Variants in WWOX observed in about 807,000 individuals in gnomAD.
WWOX encodes the protein WW domain-containing oxidoreductase.
In WWOX, 69 loss-of-function variants were observed where a neutral mutation model predicts 46.2. The ratio of observed to expected loss-of-function variants is 1.49; its 90% CI spans 1.23 to 1.82. The LOEUF (loss-of-function observed/expected upper bound fraction) is 1.82, where lower values mean the gene tolerates loss of function less well. WWOX is among the 40% of genes most tolerant of loss of function. The pLI, the probability that WWOX is intolerant of heterozygous loss-of-function variation, is 0.00. For missense variants in WWOX, 919 were observed against 542.6 expected (o/e 1.69, Z -6.89); for synonymous variants, 359 against 202.6 (o/e 1.77, Z -6.56).
chr16:78,755,164 A>G (rs114311772), intron 8 of WWOX, among the ~76,000 whole-genome samples: 4,053 of 151,286 alleles, frequency 0.027, 182 homozygotes, highest in African/African-American at 0.094. Flanking sequence ...ATGTACACCT[A>G]TGTAACAAGG....
intron 7 of WWOX, among the ~76,000 whole-genome samples, chr16:78,431,996 A>C (rs578245580): frequency 2.0e-5 from 3 of 152,292 alleles, no homozygotes; most frequent in African/African-American, 7.2e-5. Context: ...GATTAGAGGC[A>C]TGAGCCACCA....
At chr16:78,882,764 C>T (rs1597102005) in intron 8 of WWOX, among the ~76,000 whole-genome samples, 1 of 151,250 alleles carries the variant, frequency 6.6e-6, no homozygotes, top group Non-Finnish European at 1.5e-5. Flanking sequence ...TCTGGGATTA[C>T]AGGCATGAGC....
chr16:78,287,664 A>T (rs934496736), intron 5 of WWOX, among the ~76,000 whole-genome samples: 1 of 152,140 alleles, frequency 6.6e-6, no homozygotes, highest in Non-Finnish European at 1.5e-5. Flanking sequence ...CAAAATAGAG[A>T]AGGAAAGGAC....
At chr16:79,208,442 T>C (rs886547372) in intron 8 of WWOX, among the ~76,000 whole-genome samples, 3 of 152,108 alleles carry the variant, frequency 2.0e-5, no homozygotes, top group Non-Finnish European at 4.4e-5. Context: ...TGTCAAGGTA[T>C]TATTATTTAT....
intron 8 of WWOX, among the ~76,000 whole-genome samples, chr16:78,472,751 G>C (rs1274437859): frequency 6.9e-6 from 1 of 144,890 alleles, no homozygotes; most frequent in Non-Finnish European, 1.5e-5. Context: ...GGAGGTTGCA[G>C]TGAGCCGAGA....
intron 6 of WWOX, among the ~76,000 whole-genome samples, chr16:78,390,970 G>A (rs1306722803): frequency 3.3e-5 from 5 of 152,186 alleles, no homozygotes; most frequent in Non-Finnish European, 1.5e-5. Context: ...CTGAGTTCCT[G>A]TGTGTATTCC....
chr16:78,356,393 A>C (rs1479610398), intron 5 of WWOX, among the ~76,000 whole-genome samples: 3 of 152,150 alleles, frequency 2.0e-5, no homozygotes, highest in South Asian at 2.1e-4. Flanking sequence ...CCTTCTTCTA[A>C]AATGCTTAAC....
chr16:78,522,673 G>T (rs1204583447), intron 8 of WWOX, among the ~76,000 whole-genome samples: 2 of 152,254 alleles, frequency 1.3e-5, no homozygotes, highest in African/African-American at 4.8e-5. Context: ...GAGCAGATGA[G>T]ATGCTCTTGC....
At chr16:78,893,168 C>G (rs1338071105) in intron 8 of WWOX, among the ~76,000 whole-genome samples, 1 of 151,488 alleles carries the variant, frequency 6.6e-6, no homozygotes, top group East Asian at 1.9e-4. Flanking sequence ...AGACACACGA[C>G]TATGAGATGG....
chr16:78,534,945 C>G (rs375915145), intron 8 of WWOX, among the ~76,000 whole-genome samples: 3 of 152,120 alleles, frequency 2.0e-5, no homozygotes, highest in East Asian at 1.9e-4. Context: ...ATGTCCTTAC[C>G]TCATGATCTG....
At chr16:78,483,230 A>G (rs1023088956) in intron 8 of WWOX, among the ~76,000 whole-genome samples, 3 of 152,194 alleles carry the variant, frequency 2.0e-5, no homozygotes, top group Non-Finnish European at 4.4e-5. Flanking sequence ...GTCATTTGAA[A>G]AATACTCTGT....
chr16:79,031,054 C>T (rs191265432), intron 8 of WWOX, among the ~76,000 whole-genome samples: 2 of 148,338 alleles, frequency 1.3e-5, no homozygotes, highest in Admixed American at 6.8e-5. Flanking sequence ...GATCGAGTCA[C>T]TGCACTCCAG....
In WWOX at chr16:78,180,466, T is replaced by A. The variant is rs549715372; in HGVS notation, c.516+16177T>A. ...GTTAGGGCTAGTGCGTAAACCCAGCTGCACCCGAGATATGGGGTATACATG... is the reference window on the plus strand; with the variant it reads ...GTTAGGGCTAGTGCGTAAACCCAGCAGCACCCGAGATATGGGGTATACATG... On this transcript the variant is annotated intron_variant, in intron 5 of 8. Transcript: ENST00000566780. Among the ~76,000 whole-genome samples, 8 of 151,936 alleles carry A rather than the reference T, an allele frequency of 5.3e-5. No homozygotes were observed. The East Asian group carries it at 1.6e-3, about 29-fold the overall frequency.
At chr16:78,445,246 A>C (rs771189607) in intron 8 of WWOX, among the ~76,000 whole-genome samples, 1 of 152,164 alleles carries the variant, frequency 6.6e-6, no homozygotes, top group Non-Finnish European at 1.5e-5. Context: ...ATCTATTTCC[A>C]CAAAGGATTT....
chr16:78,141,490 C>T (rs2033986846), intron 4 of WWOX, among the ~76,000 whole-genome samples: 3 of 147,230 alleles, frequency 2.0e-5, no homozygotes, highest in Non-Finnish European at 4.5e-5. Flanking sequence ...AACCTCTGGC[C>T]CATTCTACAA....
intron 8 of WWOX, among the ~76,000 whole-genome samples, chr16:79,024,217 CTG>C (rs1210119307): frequency 2.0e-5 from 3 of 152,196 alleles, no homozygotes; most frequent in African/African-American, 7.2e-5. Flanking sequence ...CTAAAAACCA[CTG>C]AACTGTACAC....
chr16:78,812,638 A>T (rs961860732), intron 8 of WWOX, among the ~76,000 whole-genome samples: 6 of 152,112 alleles, frequency 3.9e-5, no homozygotes, highest in African/African-American at 1.4e-4. Flanking sequence ...ACGCGCGAGA[A>T]TCACTTGAAC....
chr16:78,414,001 G>A (rs925961611), intron 6 of WWOX, among the ~76,000 whole-genome samples: 1 of 151,868 alleles, frequency 6.6e-6, no homozygotes, highest in Admixed American at 6.6e-5. Context: ...GAAATAGCCA[G>A]TTCTTGCCTT....
At chr16:78,989,016 G>A (rs1212978702) in intron 8 of WWOX, among the ~76,000 whole-genome samples, 1 of 152,188 alleles carries the variant, frequency 6.6e-6, no homozygotes, top group Non-Finnish European at 1.5e-5. Context: ...TTAAAACAAG[G>A]AGGAAGTAAT....
Sources: gnomAD v4.1 joint callset for allele counts (sites outside exome capture counted in the v4.1 genomes callset) on GRCh38, gnomAD v4.1.1 for gene constraint, MANE v1.5 for transcripts, NCBI Gene and HGNC (gene_info 2026-07-23, HGNC 2026-07-21) for gene names.